Variants in NOL4 observed in about 807,000 individuals in gnomAD.
NOL4 encodes cancer/testis antigen 125.
Under a neutral mutation model 75.9 loss-of-function variants are expected in NOL4, and 17 were observed. The observed-to-expected ratio is 0.22, with a 90% CI of 0.15 to 0.34. NOL4 has a LOEUF of 0.34. Ranked by LOEUF, NOL4 falls within the 10% of genes least tolerant of loss-of-function variation. The probability of loss-of-function intolerance (pLI) is 1.00; values close to 1 mark genes in which losing one functional copy is unlikely to be tolerated. For synonymous variants in NOL4, 292 were observed against 289.9 expected (o/e 1.01, Z -0.07); for missense variants, 614 against 793.5 (o/e 0.77, Z 2.72).
At chr18:33,892,395 C>A (rs2065144767) in intron 9 of NOL4, among the ~76,000 whole-genome samples, 1 of 152,036 alleles carries the variant, frequency 6.6e-6, no homozygotes, top group African/African-American at 2.4e-5. Flanking sequence ...TGTGCTACTG[C>A]ATTCTAGCTT....
intron 10 of NOL4, among the ~76,000 whole-genome samples, chr18:33,870,926 C>T (rs2063670001): frequency 6.6e-6 from 1 of 151,940 alleles, no homozygotes; most frequent in Non-Finnish European, 1.5e-5. Flanking sequence ...CCAGAATGTT[C>T]GTCAATCACA....
intron 1 of NOL4, among the ~76,000 whole-genome samples, chr18:34,182,378 T>C (rs1176585488): frequency 6.6e-6 from 1 of 151,616 alleles, no homozygotes; most frequent in African/African-American, 2.4e-5. Flanking sequence ...GAAAGTTGAA[T>C]AGTTGTTAGG....
At chr18:34,122,510 TAGTCAC>T (rs2080190709) in intron 2 of NOL4, among the ~76,000 whole-genome samples, 2 of 152,190 alleles carry the variant, frequency 1.3e-5, no homozygotes, top group African/African-American at 4.8e-5. Flanking sequence ...ACCATCTTTC[TAGTCAC>T]ATTATTATAA....
At chr18:34,112,069 A>C (rs1213567866) in intron 2 of NOL4, among the ~76,000 whole-genome samples, 1 of 152,162 alleles carries the variant, frequency 6.6e-6, no homozygotes, top group Non-Finnish European at 1.5e-5. Context: ...CACAATAGCC[A>C]GGATATGGGG....
intron 9 of NOL4, among the ~76,000 whole-genome samples, chr18:33,885,865 G>T (rs960460307): frequency 6.6e-6 from 1 of 152,122 alleles, no homozygotes; most frequent in African/African-American, 2.4e-5. Context: ...AGATGTAGCT[G>T]CATTCCTATG....
At chr18:34,124,702 T>G (rs1418920656) in intron 2 of NOL4, among the ~76,000 whole-genome samples, 1 of 152,012 alleles carries the variant, frequency 6.6e-6, no homozygotes, top group East Asian at 1.9e-4. Context: ...GTCAGGAGTT[T>G]GAGACCAGCC....
At chr18:34,027,319 C>A (rs1468328420) in intron 5 of NOL4, among the ~76,000 whole-genome samples, 1 of 152,052 alleles carries the variant, frequency 6.6e-6, no homozygotes, top group East Asian at 1.9e-4. Flanking sequence ...GGTCAGGAAT[C>A]ATGGGATTAG....
chr18:34,196,757 T>G (rs1172012328), intron 1 of NOL4, among the ~76,000 whole-genome samples: 2 of 151,914 alleles, frequency 1.3e-5, no homozygotes, highest in Non-Finnish European at 2.9e-5. Context: ...CTCCATGTTA[T>G]AATTCCTTCA....
At chr18:33,997,005 T>C (rs2073338175) in intron 6 of NOL4, among the ~76,000 whole-genome samples, 1 of 151,932 alleles carries the variant, frequency 6.6e-6, no homozygotes. Context: ...TGTTGAACTT[T>C]TGTCAGATGC....
intron 1 of NOL4, among the ~76,000 whole-genome samples, chr18:34,154,781 A>G (rs1331633039): frequency 2.0e-5 from 3 of 151,960 alleles, no homozygotes; most frequent in Admixed American, 1.3e-4. Flanking sequence ...GTATACTAAC[A>G]TTCTGATTGC....
At chr18:34,048,315 T>C (rs1305808125) in intron 5 of NOL4, 1 of 410,290 alleles carries the variant, frequency 2.4e-6, no homozygotes, top group Non-Finnish European at 3.3e-6. Context: ...ACAACTGAAC[T>C]AGGAAAACAT....
At chr18:34,046,594 C>A (rs2076373762) in intron 5 of NOL4, among the ~76,000 whole-genome samples, 1 of 61,202 alleles carries the variant, frequency 1.6e-5, no homozygotes. Context: ...TTAAAATTTA[C>A]TATTTACTTA....
At chr18:33,918,386 T>C (rs1413034886) in intron 9 of NOL4, among the ~76,000 whole-genome samples, 1 of 152,234 alleles carries the variant, frequency 6.6e-6, no homozygotes, top group East Asian at 1.9e-4. Context: ...CTCACTGATG[T>C]GTATTCATAT....
At chr18:34,025,251 T>C (rs564779160) in intron 5 of NOL4, among the ~76,000 whole-genome samples, 1 of 152,232 alleles carries the variant, frequency 6.6e-6, no homozygotes, top group Non-Finnish European at 1.5e-5. Flanking sequence ...GCCCAAAGAA[T>C]TAAAGGTAAA....
At chr18:33,968,240 T>G (rs2070762958) in intron 6 of NOL4, among the ~76,000 whole-genome samples, 1 of 152,146 alleles carries the variant, frequency 6.6e-6, no homozygotes, top group Non-Finnish European at 1.5e-5. Context: ...TCAAAGAGCT[T>G]AAAACAGAAC....
intron 5 of NOL4, among the ~76,000 whole-genome samples, chr18:34,063,097 A>G (rs1404860335): frequency 6.6e-6 from 1 of 152,076 alleles, no homozygotes; most frequent in Admixed American, 6.6e-5. Flanking sequence ...TCATTCCTCA[A>G]TCACTCATTG....
intron 9 of NOL4, among the ~76,000 whole-genome samples, chr18:33,924,890 T>G (rs2067237983): frequency 6.6e-6 from 1 of 151,932 alleles, no homozygotes; most frequent in Non-Finnish European, 1.5e-5. Context: ...AACATAGGAG[T>G]GAAATTGAAC....
intron 1 of NOL4, among the ~76,000 whole-genome samples, chr18:34,195,643 C>G (rs2035274018): frequency 6.6e-6 from 1 of 150,730 alleles, no homozygotes. Flanking sequence ...AAAAAAAAAG[C>G]TATTTAAATT....
In NOL4 at chr18:34,223,423, G is replaced by T. The variant is rs1019107801; in HGVS notation, c.-170C>A. 2.3e-6 allele frequency: 2 copies of T among 858,386 alleles called. No individual in the cohort carries two copies. The highest frequency in any genetic ancestry group is 3.5e-6 in the Non-Finnish European group (2 of 570,968). The allele number at this position is 858,386 out of a possible 1,614,324, so 53.2% of individuals were successfully genotyped here. On this transcript the variant is annotated 5_prime_UTR_variant, in exon 1 of 11. Transcript: ENST00000261592. ...GATGGGAAGAGGGGAGGAGGGTCCG[G>T]TTGGGCACCAGCAATCAATGCCCCG...
Sources: allele counts gnomAD v4.1 joint callset (sites outside exome capture counted in the v4.1 genomes callset), GRCh38; gene constraint gnomAD v4.1.1; transcripts MANE v1.5; gene names NCBI Gene and HGNC (gene_info 2026-07-23, HGNC 2026-07-21).